Variants in PXK observed in about 807,000 individuals in gnomAD.
PXK encodes the protein PX domain containing serine/threonine kinase like, also known as PX domain-containing protein kinase-like protein.
Under a neutral mutation model 84.7 loss-of-function variants are expected in PXK, and 35 were observed. The ratio of observed to expected loss-of-function variants is 0.41; its 90% CI spans 0.32 to 0.55. The LOEUF (loss-of-function observed/expected upper bound fraction) is 0.55, where lower values mean the gene tolerates loss of function less well. PXK is among the 20% of genes least tolerant of loss of function. The pLI, the probability that PXK is intolerant of heterozygous loss-of-function variation, is 0.21. For missense variants in PXK, 634 were observed against 699.7 expected (o/e 0.91, Z 1.06); for synonymous variants, 253 against 260.8 (o/e 0.97, Z 0.29).
At chr3:58,358,437 A>G (rs531752624) in intron 1 of PXK, among the ~76,000 whole-genome samples, 1 of 152,198 alleles carries the variant, frequency 6.6e-6, no homozygotes, top group African/African-American at 2.4e-5. Flanking sequence ...CTGTAGGTAG[A>G]CATGCACATG....
At chr3:58,367,099 A>G (rs2098282931) in intron 2 of PXK, among the ~76,000 whole-genome samples, 1 of 152,178 alleles carries the variant, frequency 6.6e-6, no homozygotes, top group South Asian at 2.1e-4. Flanking sequence ...GCCCCATCCT[A>G]GACCTACTGA....
At chr3:58,361,009 C>T (rs75828026) in intron 1 of PXK, among the ~76,000 whole-genome samples, 11,049 of 151,756 alleles carry the variant, frequency 0.073, 523 homozygotes, top group South Asian at 0.1. Context: ...TAAAACTTCT[C>T]ATTTTGGCCG....
intron 3 of PXK, among the ~76,000 whole-genome samples, chr3:58,380,063 C>G (rs1428355327): frequency 6.6e-6 from 1 of 151,856 alleles, no homozygotes; most frequent in Non-Finnish European, 1.5e-5. Context: ...ATAGGAGTTT[C>G]AGTAAAAGAA....
chr3:58,376,051 T>C (rs2098439455), intron 3 of PXK, among the ~76,000 whole-genome samples: 1 of 152,312 alleles, frequency 6.6e-6, no homozygotes, highest in East Asian at 1.9e-4. Flanking sequence ...TAGACATGTT[T>C]TAGGTCTTTA....
chr3:58,346,001 C>G lies in PXK; in HGVS notation c.102+12911C>G, dbSNP rs142185750. On this transcript the variant is annotated intron_variant, in intron 1 of 17. Transcript: ENST00000356151. ...TGTAGACTTCAGGAGTTCATTAGTTCATTCAGCAGATACTGCTGTGAGTAT... is the reference window on the plus strand; with the variant it reads ...TGTAGACTTCAGGAGTTCATTAGTTGATTCAGCAGATACTGCTGTGAGTAT... Among the ~76,000 whole-genome samples the G allele has an allele frequency of 7.2e-5, 11 of 152,288 alleles. No individual in the cohort carries two copies. The East Asian group carries it at 2.1e-3, about 29-fold the overall frequency.
chr3:58,381,053 C>G (rs1192671999), intron 3 of PXK, among the ~76,000 whole-genome samples: 11 of 152,000 alleles, frequency 7.2e-5, no homozygotes, highest in Admixed American at 7.2e-4. Flanking sequence ...TCGAGACCAT[C>G]CTGGCTAACA....
chr3:58,334,006 C>T (rs1181157697), intron 1 of PXK, among the ~76,000 whole-genome samples: 1 of 151,998 alleles, frequency 6.6e-6, no homozygotes. Flanking sequence ...AGAGAGATTC[C>T]TTCAATTGTG....
intron 4 of PXK, among the ~76,000 whole-genome samples, chr3:58,382,947 T>C (rs945445007): frequency 6.6e-6 from 1 of 152,214 alleles, no homozygotes; most frequent in East Asian, 1.9e-4. Context: ...TTATTGTATG[T>C]ATACTTATAC....
intron 1 of PXK, 104 bp from the exon 2 acceptor site, chr3:58,365,770 T>C: frequency 1.1e-6 from 1 of 898,434 alleles, no homozygotes; most frequent in Non-Finnish European, 1.6e-6. Flanking sequence ...TTCCTTGCTC[T>C]GAAGTCTACT....
In PXK at chr3:58,424,790, C is replaced by T; in HGVS notation, c.1567C>T (p.Pro523Ser). ...ALPPPPPPPPPPAAPLPPAST... is the reference protein window; with the variant it reads ...ALPPPPPPPPSPAAPLPPAST... ...ACCTCCACCTCCTCCACCTCCACCA[C>T]CACCAGCAGCTCCCTTGCCTCCTGC... The change falls in exon 18 of 18, where the codon CCA (proline) becomes TCA (serine). Residue 523 changes from proline (P) to serine (S), a missense_variant. This residue lies in a region of PXK where 273 missense variants were observed against 283.6 expected (regional missense o/e 0.96). Coordinates refer to ENST00000356151, the MANE Select transcript of PXK (RefSeq NM_017771.5). 6.2e-7 allele frequency: 1 copy of T among 1,614,162 alleles called. No homozygotes were observed. Among genetic ancestry groups the T allele is most frequent in the Non-Finnish European group, 8.5e-7 (1 of 1,180,028 alleles).
chr3:58,409,984 A>G lies in PXK; in HGVS notation c.1396-106A>G. 1.4e-6 allele frequency: 1 copy of G among 705,920 alleles called. No homozygotes were observed. The highest frequency in any genetic ancestry group is 2.4e-6 in the Non-Finnish European group (1 of 408,898). The allele number at this position is 705,920 out of a possible 1,614,324, so 43.7% of individuals were successfully genotyped here. A position where few individuals can be genotyped will look rare whatever the true frequency, so the allele number is the denominator to read the frequency against. ...GCTGAATATTACCTTGTCTGCAGCTAGTTTAATGGTATGCCTGGAAAATAT... is the reference window on the plus strand; with the variant it reads ...GCTGAATATTACCTTGTCTGCAGCTGGTTTAATGGTATGCCTGGAAAATAT... On this transcript the variant is annotated intron_variant, in intron 15 of 17. Transcript: ENST00000356151. This position sits in a 1 kb window ranked among gnomAD's most constrained non-coding sequence, Gnocchi z 4.2.
chr3:58,372,138 A>G (rs922381179), intron 3 of PXK, among the ~76,000 whole-genome samples: 17 of 152,192 alleles, frequency 1.1e-4, no homozygotes, highest in African/African-American at 4.1e-4. Context: ...TAATTACAAG[A>G]AATGTTTGGA....
intron 4 of PXK, among the ~76,000 whole-genome samples, chr3:58,389,999 C>CAAAAAAAAA (rs61380830): frequency 3.9e-5 from 2 of 51,608 alleles, no homozygotes; most frequent in Non-Finnish European, 6.4e-5. Context: ...AACTCCGTCT[C>CAAAAAAAAA]AAAAAAAAAA....
rs2060227285 is a variant in PXK, at chr3:58,411,699, C to T, written c.1466-1202C>T. On this transcript the variant is annotated intron_variant, in intron 16 of 17. Transcript: ENST00000356151. This position sits in a 1 kb window ranked among gnomAD's most constrained non-coding sequence, Gnocchi z 4.2. ...GGACTTCAGGATACCCCAGTGCCCT[C>T]AGGAGTTTAGGAAAATGAAGTAGCA... 6.6e-6 allele frequency among the ~76,000 whole-genome samples: 1 copy of T among 152,116 alleles called. No homozygotes were observed. Among genetic ancestry groups the T allele is most frequent in the Admixed American group, 6.6e-5 (1 of 15,266 alleles).
intron 17 of PXK, chr3:58,423,569 T>C: frequency 2.6e-6 from 4 of 1,516,468 alleles, no homozygotes; most frequent in South Asian, 1.2e-5. Flanking sequence ...TACCTGAGTA[T>C]TGTGTTGGTG....
rs56238613 is a variant in PXK, at chr3:58,425,361, CCT to C, written c.*404_*405del. The C allele has an allele frequency of 0.29, 50,219 of 170,612 alleles. 8,315 individuals are homozygous for C. The highest frequency in any genetic ancestry group is 0.4 in the Middle Eastern group (135 of 338). The allele number at this position is 170,612 out of a possible 1,614,324, so 10.6% of individuals were successfully genotyped here. A position where few individuals can be genotyped will look rare whatever the true frequency, so the allele number is the denominator to read the frequency against. On this transcript the variant is annotated 3_prime_UTR_variant, in exon 18 of 18. Transcript: ENST00000356151. ...CCATCAGACAGCTCCTAGAAACATTCCTCTTACAGTTCATTTCTCTAAAGCAT... is the reference window on the plus strand; with the variant it reads ...CCATCAGACAGCTCCTAGAAACATTCCTTACAGTTCATTTCTCTAAAGCAT...
chr3:58,340,662 T>C (rs895142485), intron 1 of PXK, among the ~76,000 whole-genome samples: 2 of 151,864 alleles, frequency 1.3e-5, no homozygotes, highest in Non-Finnish European at 2.9e-5. Flanking sequence ...GAAGTGGAGA[T>C]TGTAGTGAGC....
At chr3:58,387,871 A>G (rs2098573312) in intron 4 of PXK, among the ~76,000 whole-genome samples, 2 of 151,346 alleles carry the variant, frequency 1.3e-5, no homozygotes, top group African/African-American at 4.9e-5. Context: ...CCAGATGGAA[A>G]ATGCTGAGGG....
rs2059817921 is a variant in PXK at position 58,409,150 on chromosome 3, G to A, written c.1308+149G>A. The A allele has an allele frequency of 1.8e-5, 12 of 653,714 alleles. No homozygotes were observed. In the South Asian group the frequency reaches 2.1e-4, roughly 12 times the overall value. The allele number at this position is 653,714 out of a possible 1,614,324, so 40.5% of individuals were successfully genotyped here. ...TTTAGGCTAAATGCTTCCCTGCAGAGCTGAATACTTGACAGTCCTGCCCTC... is the reference window on the plus strand; with the variant it reads ...TTTAGGCTAAATGCTTCCCTGCAGAACTGAATACTTGACAGTCCTGCCCTC... On this transcript the variant is annotated intron_variant, in intron 14 of 17. Transcript: ENST00000356151. The surrounding 1 kb of genome is among the most constrained non-coding windows in gnomAD (Gnocchi z 4.2).
Sources: gnomAD v4.1 joint callset for allele counts (sites outside exome capture counted in the v4.1 genomes callset) on GRCh38, gnomAD v4.1.1 for gene constraint, gnomAD v4.1.1 regional missense constraint, Gnocchi (gnomAD v3.1) non-coding constraint, MANE v1.5 for transcripts, NCBI Gene and HGNC (gene_info 2026-07-23, HGNC 2026-07-21) for gene names.